MOB1B: variants seen among roughly 807,000 people sequenced by gnomAD.
The protein encoded by MOB1B is MOB1 Mps One Binder homolog B.
MOB1B carries 19 observed loss-of-function variants against 24.4 expected under a neutral mutation model. The ratio of observed to expected loss-of-function variants is 0.78; its 90% CI spans 0.54 to 1.14. MOB1B has a LOEUF of 1.14. MOB1B is among the 50% of genes most tolerant of loss of function. MOB1B has a pLI of 0.00. For synonymous variants in MOB1B, 76 were observed against 82.1 expected (o/e 0.93, Z 0.40); for missense variants, 243 against 259.6 (o/e 0.94, Z 0.44).
Position 70,902,413 on chromosome 4 carries a change from G to C in MOB1B, c.-124G>C, listed in dbSNP as rs1735544682. On this transcript the variant is annotated 5_prime_UTR_variant, in exon 1 of 6. Transcript: ENST00000309395. The stretch of plus-strand genomic sequence containing the variant: ...AACTAGTTGCGGCCACCGAGCAGCC[G>C]GCTCTCGGCACCTCCTCCTCCGCCT... The C allele has an allele frequency of 9.5e-7, 1 of 1,057,464 alleles. No homozygotes were observed. Among genetic ancestry groups the C allele is most frequent in the Non-Finnish European group, 1.4e-6 (1 of 699,950 alleles). 65.5% of individuals were successfully genotyped at this position (1,057,464 alleles called of 1,614,324 possible).
intron 1 of MOB1B, among the ~76,000 whole-genome samples, chr4:70,956,411 A>G (rs984293265): frequency 5.9e-5 from 9 of 151,638 alleles, no homozygotes; most frequent in Non-Finnish European, 1.2e-4. Context: ...TACAGGGAAG[A>G]GCCACTGTGC....
At chr4:70,976,237 A>C (rs1738988938) in intron 4 of MOB1B, 2 of 984,656 alleles carry the variant, frequency 2.0e-6, no homozygotes, top group Admixed American at 6.2e-5. Flanking sequence ...ATCTGGCCCA[A>C]AAAACAGAAT....
intron 1 of MOB1B, among the ~76,000 whole-genome samples, chr4:70,902,995 C>T (rs1578335140): frequency 1.3e-5 from 2 of 152,216 alleles, no homozygotes; most frequent in South Asian, 4.1e-4. Flanking sequence ...ATAAGACTGT[C>T]GTACTTTCCC....
intron 3 of MOB1B, among the ~76,000 whole-genome samples, chr4:70,973,048 C>T (rs983359999): frequency 6.6e-6 from 1 of 152,196 alleles, no homozygotes; most frequent in Non-Finnish European, 1.5e-5. Flanking sequence ...GCTGGCATTA[C>T]AGGCGTGAGC....
chr4:70,915,538 T>C (rs921445709), intron 1 of MOB1B, among the ~76,000 whole-genome samples: 5 of 152,212 alleles, frequency 3.3e-5, no homozygotes, highest in African/African-American at 9.7e-5. Flanking sequence ...AGGTACGCCC[T>C]ATATAAATGG....
intron 1 of MOB1B, among the ~76,000 whole-genome samples, chr4:70,940,317 C>T (rs1476700523): frequency 6.6e-6 from 1 of 152,164 alleles, no homozygotes; most frequent in Non-Finnish European, 1.5e-5. Flanking sequence ...TCTGTCTACC[C>T]AGCACTTTTC....
In MOB1B at chr4:70,950,850, G is replaced by A. The variant is rs1171928985; in HGVS notation, c.15-8024G>A. Reference sequence around the variant, plus strand: ...GGCGGAGCAGAGAGAACTAATAGTAGTGAAGTTCTTAACATAAGTTTCAGT... The same window carrying A: ...GGCGGAGCAGAGAGAACTAATAGTAATGAAGTTCTTAACATAAGTTTCAGT... On this transcript the variant is annotated intron_variant, in intron 1 of 5. Coordinates refer to ENST00000309395, the MANE Select transcript of MOB1B (RefSeq NM_173468.4). The A allele has an allele frequency of 3.5e-6, 4 of 1,140,038 alleles. No homozygotes were observed. In the African/African-American group the frequency reaches 6.1e-5, roughly 17 times the overall value. The allele number at this position is 1,140,038 out of a possible 1,614,324, so 70.6% of individuals were successfully genotyped here. A position where few individuals can be genotyped will look rare whatever the true frequency, so the allele number is the denominator to read the frequency against.
At chr4:70,940,226 A>G (rs2148884384) in intron 1 of MOB1B, among the ~76,000 whole-genome samples, 1 of 151,994 alleles carries the variant, frequency 6.6e-6, no homozygotes, top group South Asian at 2.1e-4. Context: ...GAAATGCAGC[A>G]TTTGGGCATA....
intron 1 of MOB1B, among the ~76,000 whole-genome samples, chr4:70,918,549 C>T (rs571494258): frequency 1.3e-5 from 2 of 151,250 alleles, no homozygotes; most frequent in Non-Finnish European, 2.9e-5. Flanking sequence ...TTGTTTTTTT[C>T]TTGTAAATTT....
chr4:70,960,429 AT>A (rs796169439), intron 2 of MOB1B, among the ~76,000 whole-genome samples: 1 of 152,228 alleles, frequency 6.6e-6, no homozygotes, highest in African/African-American at 2.4e-5. Flanking sequence ...ATAAAATGAA[AT>A]TTCATTGAAA....
Position 70,923,965 on chromosome 4 carries a change from C to CAAA in MOB1B, c.14+21426_14+21428dup, listed in dbSNP as rs5859245. On this transcript the variant is annotated intron_variant, in intron 1 of 5. Coordinates refer to ENST00000309395, the MANE Select transcript of MOB1B (RefSeq NM_173468.4). ...CAAAAAAAAAAAAAAAAATTAGACTCAAAAAAAAAAAAAGAAATAGGTAAC... is the reference window on the plus strand; with the variant it reads ...CAAAAAAAAAAAAAAAAATTAGACTCAAAAAAAAAAAAAAAAGAAATAGGTAAC... 4.4e-4 allele frequency among the ~76,000 whole-genome samples: 56 copies of CAAA among 127,836 alleles called. 2 individuals carry two copies. Among genetic ancestry groups the CAAA allele is most frequent in the East Asian group, 4.0e-3 (18 of 4,448 alleles). 83.9% of individuals were successfully genotyped at this position (127,836 alleles called of 152,430 possible).
At chr4:70,937,762 GC>G (rs900379067) in intron 1 of MOB1B, among the ~76,000 whole-genome samples, 7 of 151,834 alleles carry the variant, frequency 4.6e-5, no homozygotes, top group Admixed American at 4.6e-4. Flanking sequence ...CTGACCTCAG[GC>G]CGTCTGCCTG....
Position 70,916,133 on chromosome 4 carries a change from C to T in MOB1B, c.14+13583C>T, listed in dbSNP as rs1229459593. On this transcript the variant is annotated intron_variant, in intron 1 of 5. Transcript: ENST00000309395. ...TTGGGGCCTAGTGCATGAGATTAGT[C>T]CAAAACGATGGCCTCCCAGAATTTT... Among the ~76,000 whole-genome samples, 3 of 152,248 alleles carry T rather than the reference C, an allele frequency of 2.0e-5. No individual in the cohort carries two copies. In the East Asian group the frequency reaches 5.8e-4, roughly 29 times the overall value.
chr4:70,936,218 T>C (rs1578367665), intron 1 of MOB1B, among the ~76,000 whole-genome samples: 2 of 152,212 alleles, frequency 1.3e-5, no homozygotes, highest in African/African-American at 4.8e-5. Context: ...GTATTCGAAC[T>C]CCTGAGCTCA....
intron 1 of MOB1B, among the ~76,000 whole-genome samples, chr4:70,939,743 C>T (rs899504985): frequency 2.0e-5 from 3 of 152,342 alleles, no homozygotes; most frequent in East Asian, 1.9e-4. Flanking sequence ...GTGTGTTACC[C>T]GGTGCTCTTT....
At chr4:70,975,811 T>C (rs931009792) in intron 4 of MOB1B, 3 of 928,398 alleles carry the variant, frequency 3.2e-6, no homozygotes. Flanking sequence ...TTTAATCTTA[T>C]GCACTTACAG....
At chr4:70,920,703 C>G (rs1429800825) in intron 1 of MOB1B, among the ~76,000 whole-genome samples, 1 of 152,182 alleles carries the variant, frequency 6.6e-6, no homozygotes, top group Admixed American at 6.5e-5. Context: ...CCTAGTGACC[C>G]TGCTTGACTG....
Position 70,975,170 on chromosome 4 carries a change from C to T in MOB1B, c.293C>T (p.Ala98Val), listed in dbSNP as rs1414797226. ...CAATGCAGATATGAGTATCATTGGGCAGATGGAACGAACATAAAGAAACCT... is the reference window on the plus strand; with the variant it reads ...CAATGCAGATATGAGTATCATTGGGTAGATGGAACGAACATAAAGAAACCT... Reference protein sequence around the residue: ...SAGPKYEYHWADGTNIKKPIK... With the variant: ...SAGPKYEYHWVDGTNIKKPIK... Residue 98 changes from alanine (A) to valine (V), a missense_variant, in exon 4 of 6, where the codon GCA (alanine) becomes GTA (valine). By Grantham distance (64) the Ala-to-Val change is moderately conservative. Coordinates refer to ENST00000309395, the MANE Select transcript of MOB1B (RefSeq NM_173468.4). The T allele has an allele frequency of 1.2e-6, 2 of 1,606,912 alleles. No individual in the cohort carries two copies. Among genetic ancestry groups the T allele is most frequent in the Middle Eastern group, 1.7e-4 (1 of 6,018 alleles).
In MOB1B at chr4:70,986,314, A is replaced by G. The variant is rs1006831314; in HGVS notation, c.*4257A>G. 2.0e-5 allele frequency: 3 copies of G among 152,158 alleles called. No individual in the cohort carries two copies. Among genetic ancestry groups the G allele is most frequent in the Non-Finnish European group, 4.4e-5 (3 of 68,002 alleles). The allele number at this position is 152,158 out of a possible 1,614,324, so 9.4% of individuals were successfully genotyped here. On this transcript the variant is annotated 3_prime_UTR_variant, in exon 6 of 6. Coordinates refer to ENST00000309395, the MANE Select transcript of MOB1B (RefSeq NM_173468.4). ...CTCAGATGAACAATTTGACTTTAAT[A>G]AAAGACTGGAGATTTTTGTACAAAG...
Sources: gnomAD v4.1 joint callset for allele counts (sites outside exome capture counted in the v4.1 genomes callset) on GRCh38, gnomAD v4.1.1 for gene constraint, MANE v1.5 for transcripts, NCBI Gene and HGNC (gene_info 2026-07-23, HGNC 2026-07-21) for gene names.